NEK2: variants seen among roughly 807,000 people sequenced by gnomAD.
NEK2 encodes the protein NIMA related kinase 2.
In NEK2, 28 loss-of-function variants were observed where a neutral mutation model predicts 54.1. The observed-to-expected ratio is 0.52, with a 90% CI of 0.38 to 0.71. NEK2 has a LOEUF of 0.71. Ranked by LOEUF, NEK2 falls within the 30% of genes least tolerant of loss-of-function variation. The probability of loss-of-function intolerance (pLI) is 0.00; values close to 1 mark genes in which losing one functional copy is unlikely to be tolerated. For synonymous variants in NEK2, 176 were observed against 193.1 expected (o/e 0.91, Z 0.73); for missense variants, 407 against 531.5 (o/e 0.77, Z 2.30).
chr1:211,669,597 T>C (rs1655300308), intron 5 of NEK2: 6 of 437,232 alleles, frequency 1.4e-5, no homozygotes, highest in Non-Finnish European at 2.1e-5. Flanking sequence ...TCCCTGAAGA[T>C]TGGCACATCT....
chr1:211,670,578 C>T (rs1410563469), intron 4 of NEK2, among the ~76,000 whole-genome samples, 171 bp from the exon 5 acceptor site: 1 of 152,180 alleles, frequency 6.6e-6, no homozygotes, highest in Admixed American at 6.5e-5. Context: ...GCACTATTGA[C>T]ATTTGAGGTC....
At chr1:211,672,722 T>G (rs1655437286) in intron 3 of NEK2, among the ~76,000 whole-genome samples, 1 of 151,542 alleles carries the variant, frequency 6.6e-6, no homozygotes, top group African/African-American at 2.4e-5. Context: ...AAACAAACAC[T>G]CCAAGTGAGT....
downstream of NEK2, among the ~76,000 whole-genome samples, chr1:211,658,930 G>A (rs767746515): frequency 1.3e-4 from 19 of 151,916 alleles, no homozygotes; most frequent in Admixed American, 3.3e-4. Flanking sequence ...GCCACCTAAA[G>A]AGCCAAGATG....
rs1655058366 is a variant in NEK2 at position 211,662,951 on chromosome 1, A to G, written c.*475T>C. ...ATATTTATAAGCAAGATGTCATGGTATTAATGACCAAATTGCATCTAACTG... is the reference window on the plus strand; with the variant it reads ...ATATTTATAAGCAAGATGTCATGGTGTTAATGACCAAATTGCATCTAACTG... On this transcript the variant is annotated 3_prime_UTR_variant, in exon 8 of 8. Coordinates refer to ENST00000366999, the MANE Select transcript of NEK2 (RefSeq NM_002497.4). The surrounding 1 kb of genome is among the most constrained non-coding windows in gnomAD (Gnocchi z 4.2). 1 of 989,298 alleles carries G rather than the reference A, an allele frequency of 1.0e-6. No homozygotes were observed. The allele number at this position is 989,298 out of a possible 1,614,324, so 61.3% of individuals were successfully genotyped here.
Position 211,670,275 on chromosome 1 carries a change from C to G in NEK2, c.765+6G>C. The G allele has an allele frequency of 6.2e-7, 1 of 1,607,762 alleles. No homozygotes were observed. The highest frequency in any genetic ancestry group is 1.1e-5 in the South Asian group (1 of 90,018). Reference sequence around the variant, plus strand: ...AACAGACAATATATCATCTTATCATCTTTACCTTTAAGTTTAACATCCTCG... The same window carrying G: ...AACAGACAATATATCATCTTATCATGTTTACCTTTAAGTTTAACATCCTCG... On this transcript the variant is annotated splice_donor_region_variant and intron_variant, in intron 5 of 7. Transcript: ENST00000366999.
chr1:211,665,618 G>C (rs1655155673), intron 7 of NEK2, among the ~76,000 whole-genome samples: 1 of 152,036 alleles, frequency 6.6e-6, no homozygotes, highest in African/African-American at 2.4e-5. Context: ...TTGTCTTTAT[G>C]GATGACAGTG....
chr1:211,672,894 C>A (rs148831915), intron 3 of NEK2, among the ~76,000 whole-genome samples: 1 of 151,824 alleles, frequency 6.6e-6, no homozygotes, highest in African/African-American at 2.4e-5. Flanking sequence ...AAAAATTGAA[C>A]CCAGTGAGAG....
intron 4 of NEK2, 29 bp downstream of exon 4, chr1:211,671,173 G>T (rs754986033): frequency 4.5e-6 from 7 of 1,557,012 alleles, no homozygotes; most frequent in Non-Finnish European, 6.2e-6. Context: ...ACAAACCTTA[G>T]ACTAGGAATC....
intron 5 of NEK2, 62 bp downstream of exon 5, chr1:211,670,219 T>A: frequency 1.3e-6 from 2 of 1,490,020 alleles, no homozygotes; most frequent in Admixed American, 3.8e-5. Context: ...CAAGAGAGAA[T>A]GTATGCTCTG....
intron 7 of NEK2, among the ~76,000 whole-genome samples, chr1:211,664,300 T>G (rs1290375902): frequency 1.3e-5 from 2 of 152,130 alleles, no homozygotes; most frequent in African/African-American, 2.4e-5. Flanking sequence ...CTGACAGAAT[T>G]ACTGGGGGCT....
At chr1:211,670,777 A>C (rs187503946) in intron 4 of NEK2, among the ~76,000 whole-genome samples, 1 of 152,372 alleles carries the variant, frequency 6.6e-6, no homozygotes, top group Admixed American at 6.5e-5. Context: ...ACTGCTCTAC[A>C]GAATAGTTTC....
downstream of NEK2, among the ~76,000 whole-genome samples, chr1:211,659,916 G>A (rs1654973847): frequency 6.8e-6 from 1 of 148,112 alleles, no homozygotes; most frequent in African/African-American, 2.5e-5. Context: ...CCACCTCCCG[G>A]GCTCAGACAA....
downstream of NEK2, chr1:211,660,836 A>G: frequency 4.2e-6 from 3 of 709,834 alleles, no homozygotes; most frequent in Non-Finnish European, 8.0e-6. Context: ...AGCAGGCAGT[A>G]GATACATGCT....
At chr1:211,669,503 T>G in intron 5 of NEK2, 171 bp from the exon 6 acceptor site, 1 of 623,032 alleles carries the variant, frequency 1.6e-6, no homozygotes, top group Non-Finnish European at 2.8e-6. Context: ...TTTTAACTCA[T>G]GAGGTTCTGG....
At position 211,673,589 on chromosome 1, in the gene NEK2, T is replaced by A; in HGVS notation, c.449A>T (p.Asp150Val). ...RDLKPANVFL[D>V]GKQNVKLGDF... is the part of the protein sequence containing the mutation. ...TCCAAGCTTGACGTTTTGCTTGCCA[T>A]CCAGGAAAACATTGGCTGGTTTCAG... The change falls in exon 3 of 8, where the codon GAT (aspartate) becomes GTT (valine). Residue 150 changes from aspartate to valine, a missense_variant. Asp to Val is a radical substitution (Grantham distance 152, BLOSUM62 -3). Coordinates refer to ENST00000366999, the MANE Select transcript of NEK2 (RefSeq NM_002497.4). The A allele has an allele frequency of 6.2e-7, 1 of 1,614,140 alleles. No individual in the cohort carries two copies. Among genetic ancestry groups the A allele is most frequent in the Non-Finnish European group, 8.5e-7 (1 of 1,179,998 alleles).
intron 1 of NEK2, 81 bp downstream of exon 1, chr1:211,675,303 T>G: frequency 7.8e-7 from 1 of 1,273,924 alleles, no homozygotes; most frequent in African/African-American, 1.5e-5. Context: ...GCCCTGTCGG[T>G]TCCCTTCGGT....
rs1382477238 is a variant in NEK2, at chr1:211,666,488, G to T, written c.1111+618C>A. The T allele has an allele frequency of 5.1e-6, 5 of 979,496 alleles. No homozygotes were observed. The African/African-American group carries it at 8.8e-5, about 17-fold the overall frequency. The allele number at this position is 979,496 out of a possible 1,614,324, so 60.7% of individuals were successfully genotyped here. On this transcript the variant is annotated intron_variant, in intron 7 of 7. Transcript: ENST00000366999. ...GAAATCTGAAACATACAATAGTTTT[G>T]TAAATGCCCTAATTTTTAAAAATAA... is the stretch of plus-strand genomic sequence containing the variant.
chr1:211,671,295 A>T lies in NEK2; in HGVS notation c.556-11T>A, dbSNP rs1317705013. The T allele has an allele frequency of 6.3e-7, 1 of 1,588,056 alleles. No homozygotes were observed. The highest frequency in any genetic ancestry group is 1.1e-5 in the South Asian group (1 of 90,328). On this transcript the variant is annotated splice_polypyrimidine_tract_variant and intron_variant, in intron 3 of 7. Transcript: ENST00000366999. ...GCGATTCATTTGTTCCTATACAGGG[A>T]AAAAGGGTAAGAAAGTGGAAGGTGT...
chr1:211,674,627 C>T, intron 1 of NEK2, 114 bp from the exon 2 acceptor site: 1 of 763,668 alleles, frequency 1.3e-6, no homozygotes, highest in South Asian at 1.9e-5. Flanking sequence ...CAATCAAGGT[C>T]ATTATCTAAT....
Sources: allele counts gnomAD v4.1 joint callset (sites outside exome capture counted in the v4.1 genomes callset), GRCh38; gene constraint gnomAD v4.1.1; non-coding constraint Gnocchi (gnomAD v3.1); transcripts MANE v1.5; gene names NCBI Gene and HGNC (gene_info 2026-07-23, HGNC 2026-07-21).